Variants in PCBP3 observed in about 807,000 individuals in gnomAD.
PCBP3 encodes the protein poly(rC)-binding protein 3.
A neutral mutation model predicts 52.7 loss-of-function variants in PCBP3; 25 were observed. The observed-to-expected ratio is 0.47, with a 90% confidence interval of 0.35 to 0.66. The LOEUF is 0.66. Among genes scored for constraint, PCBP3 ranks in the 30% least tolerant of loss-of-function variants. The pLI is 0.01. For missense variants in PCBP3, 391 were observed against 490.3 expected, an observed-to-expected ratio of 0.80 and a Z score of 1.91; for synonymous variants, 162 against 183.0, an observed-to-expected ratio of 0.89 and a Z score of 0.93.
At chr21:45,902,208 G>A (rs1177710817) in intron 9 of PCBP3, among the ~76,000 whole-genome samples, 2 of 152,170 alleles carry the variant, frequency 1.3e-5, no homozygotes, top group Non-Finnish European at 2.9e-5. Context: ...TGACTGCCCA[G>A]AGCCGACTGC....
At chr21:45,852,726 A>G (rs1435623122) in intron 5 of PCBP3, among the ~76,000 whole-genome samples, 1 of 152,252 alleles carries the variant, frequency 6.6e-6, no homozygotes, top group African/African-American at 2.4e-5. Context: ...TTCAGAAGGA[A>G]CACAGCCCTG....
chr21:45,941,317 C>G (rs1259686596), intron 17 of PCBP3, among the ~76,000 whole-genome samples: 1 of 152,316 alleles, frequency 6.6e-6, no homozygotes, highest in Admixed American at 6.5e-5. Context: ...CCCACATACA[C>G]TTACTCCTGT....
intron 4 of PCBP3, among the ~76,000 whole-genome samples, chr21:45,833,316 A>G (rs1048614955): frequency 1.3e-5 from 2 of 152,250 alleles, no homozygotes; most frequent in Non-Finnish European, 2.9e-5. Flanking sequence ...ACTTAATGCC[A>G]TCAGATGGAA....
rs535723241 is a variant in PCBP3, at chr21:45,652,042, T to A, written c.-279+8174T>A. On this transcript the variant is annotated intron_variant, in intron 1 of 17. Coordinates refer to ENST00000681687, the MANE Select transcript of PCBP3 (RefSeq NM_001384156.1). The stretch of plus-strand genomic sequence containing the variant: ...GTTTGGGGAAAAGCCTACAAATTGC[T>A]ATTATCACATTCCTATCTTTGTAAA... 1.1e-4 allele frequency among the ~76,000 whole-genome samples: 16 copies of A among 152,362 alleles called. No homozygotes were observed. In the South Asian group the frequency reaches 1.9e-3, roughly 18 times the overall value.
At chr21:45,874,815 G>A (rs901782521) in intron 5 of PCBP3, among the ~76,000 whole-genome samples, 1 of 152,170 alleles carries the variant, frequency 6.6e-6, no homozygotes, top group Non-Finnish European at 1.5e-5. Flanking sequence ...ATCCCTTCCC[G>A]TCACTGTGTC....
chr21:45,911,128 C>T (rs190271208), intron 11 of PCBP3, 98 bp downstream of exon 11: 2 of 1,397,742 alleles, frequency 1.4e-6, no homozygotes, highest in African/African-American at 2.8e-5. Context: ...CCCAAGGACT[C>T]ACACAGTTGG....
chr21:45,869,702 G>A (rs996048408), intron 5 of PCBP3, among the ~76,000 whole-genome samples: 1 of 152,136 alleles, frequency 6.6e-6, no homozygotes, highest in Non-Finnish European at 1.5e-5. Context: ...GACCTCGGTG[G>A]ACAGAAGGGC....
chr21:45,667,965 A>C (rs1021731245), intron 1 of PCBP3, among the ~76,000 whole-genome samples: 5 of 152,194 alleles, frequency 3.3e-5, no homozygotes, highest in Non-Finnish European at 7.3e-5. Flanking sequence ...GTGGTCAGCT[A>C]ATAATTGGAC....
intron 7 of PCBP3, among the ~76,000 whole-genome samples, chr21:45,900,011 T>C (rs2095983858): frequency 6.6e-6 from 1 of 152,140 alleles, no homozygotes. Context: ...ACAATTCCTT[T>C]CCAAATCAGG....
At position 45,669,839 on chromosome 21, in the gene PCBP3, A is replaced by ATC. The variant is rs1569098221; in HGVS notation, c.-200+888_-200+889insCT. 4.0e-5 allele frequency among the ~76,000 whole-genome samples: 5 copies of ATC among 123,918 alleles called. No individual in the cohort carries two copies. The East Asian group carries it at 1.2e-3, about 30-fold the overall frequency. The allele number at this position is 123,918 out of a possible 152,430, so 81.3% of individuals were successfully genotyped here. A position where few individuals can be genotyped will look rare whatever the true frequency, so the allele number is the denominator to read the frequency against. On this transcript the variant is annotated intron_variant, in intron 2 of 17. Coordinates refer to ENST00000681687, the MANE Select transcript of PCBP3 (RefSeq NM_001384156.1). ...TATATATATATATATATATATATAT[A>ATC]TATATATCACATTTTGTTTATTCAT...
At chr21:45,653,658 G>A (rs906290309) in intron 1 of PCBP3, among the ~76,000 whole-genome samples, 2 of 152,054 alleles carry the variant, frequency 1.3e-5, no homozygotes, top group South Asian at 4.1e-4. Context: ...AGTATAGTTA[G>A]ATATTTTTTT....
rs2092455730 is a variant in PCBP3, at chr21:45,805,265, T to C, written c.-125-44696T>C. Among the ~76,000 whole-genome samples, 5 of 152,128 alleles carry C rather than the reference T, an allele frequency of 3.3e-5. No individual in the cohort carries two copies. Among genetic ancestry groups the C allele is most frequent in the Admixed American group, 3.3e-4 (5 of 15,280 alleles). On this transcript the variant is annotated intron_variant, in intron 4 of 17. Coordinates refer to ENST00000681687, the MANE Select transcript of PCBP3 (RefSeq NM_001384156.1). The surrounding 1 kb of genome is among the most constrained non-coding windows in gnomAD (Gnocchi z 4.6). ...CCTTCTATAGGAAGAGGCATTCTTG[T>C]GTGACTCTCTGGTCATTTGCTTGGG...
At chr21:45,702,134 A>C (rs2083165633) in intron 2 of PCBP3, among the ~76,000 whole-genome samples, 1 of 152,218 alleles carries the variant, frequency 6.6e-6, no homozygotes, top group African/African-American at 2.4e-5. Context: ...AAAACTTGAC[A>C]GGTGGTAGTT....
chr21:45,823,802 C>T (rs1010512023), intron 4 of PCBP3, among the ~76,000 whole-genome samples: 6 of 152,036 alleles, frequency 3.9e-5, no homozygotes, highest in Non-Finnish European at 7.4e-5. Flanking sequence ...AGTGCAATAG[C>T]ATGATCTCGA....
chr21:45,865,748 C>T (rs916063385), intron 5 of PCBP3, among the ~76,000 whole-genome samples: 5 of 152,184 alleles, frequency 3.3e-5, no homozygotes, highest in Admixed American at 6.5e-5. Flanking sequence ...TGTTATCACC[C>T]GGAGCTGTGG....
intron 2 of PCBP3, among the ~76,000 whole-genome samples, chr21:45,669,514 G>T (rs539974206): frequency 6.6e-6 from 1 of 151,734 alleles, no homozygotes; most frequent in Non-Finnish European, 1.5e-5. Context: ...TCATGTTGTT[G>T]TGCAACCATC....
At chr21:45,803,935 C>T (rs914847788) in intron 4 of PCBP3, among the ~76,000 whole-genome samples, 2 of 152,194 alleles carry the variant, frequency 1.3e-5, no homozygotes, top group South Asian at 2.1e-4. Context: ...CACTTGTGCC[C>T]TCGCTGAGAT....
chr21:45,834,891 G>T (rs2093544675), intron 4 of PCBP3, among the ~76,000 whole-genome samples: 2 of 152,246 alleles, frequency 1.3e-5, no homozygotes, highest in South Asian at 4.1e-4. Context: ...CCCAGCTCGG[G>T]AGGCCTGCGG....
intron 11 of PCBP3, among the ~76,000 whole-genome samples, chr21:45,913,391 T>C (rs2096440557): frequency 6.6e-6 from 1 of 152,198 alleles, no homozygotes; most frequent in African/African-American, 2.4e-5. Flanking sequence ...GCTTTGGATA[T>C]AGGTCCCGGT....
Sources: gnomAD v4.1 joint callset for allele counts (sites outside exome capture counted in the v4.1 genomes callset) on GRCh38, gnomAD v4.1.1 for gene constraint, Gnocchi (gnomAD v3.1) non-coding constraint, MANE v1.5 for transcripts, NCBI Gene and HGNC (gene_info 2026-07-23, HGNC 2026-07-21) for gene names.